SDK1: variants seen among roughly 807,000 people sequenced by gnomAD.
The protein encoded by SDK1 is sidekick cell adhesion molecule 1.
SDK1 carries 157 observed loss-of-function variants against 245.5 expected under a neutral mutation model. That is an observed-to-expected ratio of 0.64 (90% CI 0.56 to 0.73). SDK1 has a LOEUF of 0.73. Ranked by LOEUF, SDK1 falls within the 30% of genes least tolerant of loss-of-function variation. The pLI, the probability that SDK1 is intolerant of heterozygous loss-of-function variation, is 0.00. For synonymous variants in SDK1, 1,647 were observed against 1,278.5 expected, an observed-to-expected ratio of 1.29 and a Z score of -6.15; for missense variants, 3,583 against 3,002.3, an observed-to-expected ratio of 1.19 and a Z score of -4.52.
chr7:3,873,304 A>G (rs894947055), intron 5 of SDK1, among the ~76,000 whole-genome samples: 16 of 152,210 alleles, frequency 1.1e-4, no homozygotes, highest in Non-Finnish European at 1.5e-4. Context: ...GAAGTCTGCT[A>G]TATTTCTTAT....
intron 33 of SDK1, among the ~76,000 whole-genome samples, chr7:4,175,481 A>T (rs985423519): frequency 2.0e-5 from 3 of 152,240 alleles, no homozygotes; most frequent in African/African-American, 7.2e-5. Flanking sequence ...CCTGCCACTC[A>T]GTGCTAAGTT....
chr7:4,132,601 C>T (rs2128199996), intron 28 of SDK1, 178 bp downstream of exon 28: 1 of 528,246 alleles, frequency 1.9e-6, no homozygotes, highest in Non-Finnish European at 3.5e-6. Flanking sequence ...ATGGCATGCA[C>T]CTGTTGGTCC....
At chr7:3,769,923 T>C (rs1008428857) in intron 4 of SDK1, among the ~76,000 whole-genome samples, 2 of 148,554 alleles carry the variant, frequency 1.3e-5, no homozygotes, top group African/African-American at 2.5e-5. Flanking sequence ...TCAGTGTTAT[T>C]TGTACTTATT....
chr7:3,901,707 C>G (rs562368900), intron 5 of SDK1, among the ~76,000 whole-genome samples: 2 of 152,140 alleles, frequency 1.3e-5, no homozygotes, highest in Non-Finnish European at 2.9e-5. Flanking sequence ...TACTCACTCA[C>G]GGGTGACTCT....
intron 1 of SDK1, among the ~76,000 whole-genome samples, chr7:3,611,749 G>A (rs982147342): frequency 6.6e-6 from 1 of 151,930 alleles, no homozygotes; most frequent in African/African-American, 2.4e-5. Context: ...TATTGATCAG[G>A]AAAATGCAAA....
At chr7:3,762,916 A>T (rs62437939) in intron 4 of SDK1, among the ~76,000 whole-genome samples, 1 of 152,166 alleles carries the variant, frequency 6.6e-6, no homozygotes. Context: ...TGATGTGTGC[A>T]CAAGTCTACA....
intron 5 of SDK1, among the ~76,000 whole-genome samples, chr7:3,850,971 A>G (rs1242269514): frequency 6.6e-6 from 1 of 152,230 alleles, no homozygotes; most frequent in East Asian, 1.9e-4. Context: ...ACAAACCTGC[A>G]CGTTGTGCAA....
intron 5 of SDK1, among the ~76,000 whole-genome samples, chr7:3,891,414 C>A (rs1349050671): frequency 6.6e-6 from 1 of 152,200 alleles, no homozygotes; most frequent in East Asian, 1.9e-4. Context: ...ATTTCTTAAC[C>A]TGCTTCCTGC....
chr7:4,015,160 C>G (rs910597721), intron 16 of SDK1, among the ~76,000 whole-genome samples: 38 of 152,192 alleles, frequency 2.5e-4, no homozygotes, highest in Non-Finnish European at 4.6e-4. Flanking sequence ...GGAAATGCTA[C>G]TGTCGTACCC....
At chr7:3,527,426 C>T (rs1421047712) in intron 1 of SDK1, among the ~76,000 whole-genome samples, 1 of 152,064 alleles carries the variant, frequency 6.6e-6, no homozygotes, top group Non-Finnish European at 1.5e-5. Flanking sequence ...CAAGCAGAGA[C>T]CTGATTGATA....
chr7:3,364,985 G>T (rs550107810), intron 1 of SDK1, among the ~76,000 whole-genome samples: 1 of 152,090 alleles, frequency 6.6e-6, no homozygotes, highest in East Asian at 1.9e-4. Context: ...TACATGTTTC[G>T]GTAGCTTTAC....
At chr7:3,531,911 A>G (rs188620166) in intron 1 of SDK1, among the ~76,000 whole-genome samples, 1 of 152,300 alleles carries the variant, frequency 6.6e-6, no homozygotes, top group East Asian at 1.9e-4. Context: ...TGATTCATTT[A>G]TTTGTACTAA....
intron 1 of SDK1, among the ~76,000 whole-genome samples, chr7:3,553,398 A>G (rs1779477774): frequency 6.6e-6 from 1 of 152,190 alleles, no homozygotes; most frequent in Non-Finnish European, 1.5e-5. Flanking sequence ...GATAGACCCC[A>G]GAAATAATGC....
At chr7:4,102,299 G>C (rs1395998305) in intron 22 of SDK1, among the ~76,000 whole-genome samples, 1 of 152,146 alleles carries the variant, frequency 6.6e-6, no homozygotes, top group Non-Finnish European at 1.5e-5. Context: ...GTTTCATTTG[G>C]CTGTGGTGGG....
Position 3,301,565 on chromosome 7 carries a change from C to A in SDK1, c.-22C>A. The A allele has an allele frequency of 1.1e-6, 1 of 906,452 alleles. No homozygotes were observed. Among genetic ancestry groups the A allele is most frequent in the Non-Finnish European group, 1.3e-6 (1 of 761,944 alleles). 56.2% of individuals were successfully genotyped at this position (906,452 alleles called of 1,614,324 possible). ...GCCCGCCCGTCCGTCCGGCGCGGCG[C>A]TCGGGGTGGCGGCTGCTCGGCATGG... is the stretch of plus-strand genomic sequence containing the variant. On this transcript the variant is annotated 5_prime_UTR_variant, in exon 1 of 45. Coordinates refer to ENST00000404826, the MANE Select transcript of SDK1 (RefSeq NM_152744.4).
chr7:3,569,006 G>GTTTT (rs5881992), intron 1 of SDK1, among the ~76,000 whole-genome samples: 2 of 143,572 alleles, frequency 1.4e-5, no homozygotes, highest in African/African-American at 2.6e-5. Flanking sequence ...TGTGGCATAT[G>GTTTT]TTTTTTTTTT....
chr7:4,110,091 T>C (rs924406692), intron 22 of SDK1, among the ~76,000 whole-genome samples: 1 of 152,126 alleles, frequency 6.6e-6, no homozygotes, highest in African/African-American at 2.4e-5. Flanking sequence ...TTAAGGGGAC[T>C]GGGCCTGCCG....
chr7:3,880,631 C>A (rs193297648), intron 5 of SDK1, among the ~76,000 whole-genome samples: 1 of 149,184 alleles, frequency 6.7e-6, no homozygotes, highest in African/African-American at 2.5e-5. Flanking sequence ...GAACTAAATC[C>A]CAGAGGGCTG....
At chr7:3,380,795 C>T (rs1001802818) in intron 1 of SDK1, among the ~76,000 whole-genome samples, 1 of 152,134 alleles carries the variant, frequency 6.6e-6, no homozygotes, top group Non-Finnish European at 1.5e-5. Flanking sequence ...AGGGAAGGGC[C>T]TGCTAGTTGG....
Sources: gnomAD v4.1 joint callset for allele counts (sites outside exome capture counted in the v4.1 genomes callset) on GRCh38, gnomAD v4.1.1 for gene constraint, MANE v1.5 for transcripts, NCBI Gene and HGNC (gene_info 2026-07-23, HGNC 2026-07-21) for gene names.